The following EXOSC10 variants were observed in gnomAD, a reference collection of about 807,000 sequenced individuals.
EXOSC10 encodes exosome component 10.
In EXOSC10, 94 loss-of-function variants were observed where a neutral mutation model predicts 126.6. The ratio of observed to expected loss-of-function variants is 0.74; its 90% CI spans 0.63 to 0.88. The LOEUF is 0.88. Ranked by LOEUF, EXOSC10 falls within the 40% of genes least tolerant of loss-of-function variation. The probability of loss-of-function intolerance (pLI) is 0.00; values close to 1 mark genes in which losing one functional copy is unlikely to be tolerated. For synonymous variants in EXOSC10, 395 were observed against 400.8 expected (o/e 0.99, Z 0.17); for missense variants, 1,041 against 1,100.5 (o/e 0.95, Z 0.77).
intron 23 of EXOSC10, 64 bp downstream of exon 23, chr1:11,068,581 G>T: frequency 5.6e-6 from 7 of 1,249,820 alleles, no homozygotes; most frequent in Non-Finnish European, 8.3e-6. Flanking sequence ...TGTCTTCTCA[G>T]CAGAGGAGGA....
rs758403333 is a variant in EXOSC10 at position 11,081,139 on chromosome 1, G to A, written c.1380C>T (p.Asn460=). ...KMRLEMWERG[N]GQPVQLQVVW... ...CCACCTGCAGCTGCACCGGCTGCCC[G>A]TTGCCGCGCTCCCACATCTCCAGCC... Residue 460 remains asparagine (N), a synonymous_variant, in exon 11 of 25, where the codon AAC becomes AAT. Transcript: ENST00000376936. 43 of 1,614,048 alleles carry A rather than the reference G, an allele frequency of 2.7e-5. 1 individual carries two copies. The highest frequency in any genetic ancestry group is 3.3e-5 in the Non-Finnish European group (39 of 1,180,044).
chr1:11,073,964 C>T lies in EXOSC10; in HGVS notation c.2127G>A (p.Ala709=), dbSNP rs190900126. Residue 709 remains alanine, a synonymous_variant, in exon 19 of 25, where the codon GCG becomes GCA. Coordinates refer to ENST00000376936, the MANE Select transcript of EXOSC10 (RefSeq NM_001001998.3). The part of the protein sequence containing the change: ...LGHRAPVSQA[A]KFDPSTKIYE... ...AGATTTTGGTTGATGGATCGAACTT[C>T]GCTGCCTGAGAGACGGGAGCACGGT... The T allele has an allele frequency of 1.5e-5, 24 of 1,612,726 alleles. No individual in the cohort carries two copies. The highest frequency in any genetic ancestry group is 8.0e-5 in the African/African-American group (6 of 74,718).
At chr1:11,083,562 C>CAAAAAAAAAAAAAAAAAAAAAAAAAT (rs35412224) in intron 9 of EXOSC10, among the ~76,000 whole-genome samples, 1 of 65,898 alleles carries the variant, frequency 1.5e-5, no homozygotes, top group African/African-American at 6.8e-5. Context: ...AACTCCGTCT[C>CAAAAAAAAAAAAAAAAAAAAAAAAAT]AAAAAAAAAA....
At position 11,076,904 on chromosome 1, in the gene EXOSC10, T is replaced by C. The variant is rs1204778054; in HGVS notation, c.1924A>G (p.Lys642Glu). ...GTGGTACCCAGCAAGTTATCTTCTTTTTCATCAGGGAAGAGGCTCGCCTGC... is the reference window on the plus strand; with the variant it reads ...GTGGTACCCAGCAAGTTATCTTCTTCTTCATCAGGGAAGAGGCTCGCCTGC... Reference protein sequence around the residue: ...QKQASLFPDEKEDNLLGTTCL... With the variant: ...QKQASLFPDEEEDNLLGTTCL... Residue 642 changes from lysine (K) to glutamate (E), a missense_variant, in exon 17 of 25, where the codon AAA becomes GAA. This residue lies in a region of EXOSC10 where 388 missense variants were observed against 415.2 expected (regional missense o/e 0.93). Transcript: ENST00000376936. 6.2e-7 allele frequency: 1 copy of C among 1,614,048 alleles called. No individual in the cohort carries two copies. Among genetic ancestry groups the C allele is most frequent in the Non-Finnish European group, 8.5e-7 (1 of 1,180,034 alleles).
At chr1:11,091,310 A>G (rs1640792360) in intron 4 of EXOSC10, 131 bp from the exon 5 acceptor site, 2 of 997,320 alleles carry the variant, frequency 2.0e-6, no homozygotes, top group Non-Finnish European at 3.0e-6. Flanking sequence ...ATGTATGTGC[A>G]TGTAGAGGTC....
rs1441725199 is a variant in EXOSC10 at position 11,085,790 on chromosome 1, G to A, written c.1089+1658C>T. On this transcript the variant is annotated intron_variant, in intron 9 of 24. Coordinates refer to ENST00000376936, the MANE Select transcript of EXOSC10 (RefSeq NM_001001998.3). ...GATAGCTCTTATTATTTTGAGATAC[G>A]TCCCATCAATACCTAATTTATTGAG... Among the ~76,000 whole-genome samples the A allele has an allele frequency of 3.3e-5, 5 of 150,612 alleles. No individual in the cohort carries two copies. The South Asian group carries it at 6.2e-4, about 19-fold the overall frequency.
chr1:11,075,246 T>G (rs1010950355), intron 17 of EXOSC10, among the ~76,000 whole-genome samples: 1 of 152,150 alleles, frequency 6.6e-6, no homozygotes, highest in Non-Finnish European at 1.5e-5. Context: ...CTCAAACTCC[T>G]GACCTCAGGT....
At chr1:11,099,062 G>A (rs2100251114) in intron 1 of EXOSC10, among the ~76,000 whole-genome samples, 1 of 152,252 alleles carries the variant, frequency 6.6e-6, no homozygotes, top group East Asian at 1.9e-4. Flanking sequence ...AAGATACAAC[G>A]TTAGTGGAAT....
At chr1:11,089,855 G>A (rs1470007586) in intron 6 of EXOSC10, among the ~76,000 whole-genome samples, 4 of 152,028 alleles carry the variant, frequency 2.6e-5, no homozygotes. Context: ...GAGGCAGGAG[G>A]ATCACTTGAG....
At chr1:11,079,411 T>G (rs1033718565) in intron 14 of EXOSC10, among the ~76,000 whole-genome samples, 2 of 148,688 alleles carry the variant, frequency 1.3e-5, no homozygotes, top group African/African-American at 4.9e-5. Flanking sequence ...TTTTTTTTTT[T>G]GAGACGGAGT....
At chr1:11,073,737 C>T (rs1042248219) in intron 19 of EXOSC10, among the ~76,000 whole-genome samples, 197 bp downstream of exon 19, 2 of 151,638 alleles carry the variant, frequency 1.3e-5, no homozygotes, top group African/African-American at 2.4e-5. Context: ...AAAAATTAGC[C>T]GGGCATGACA....
At chr1:11,089,600 A>G (rs1640687265) in intron 6 of EXOSC10, among the ~76,000 whole-genome samples, 1 of 150,844 alleles carries the variant, frequency 6.6e-6, no homozygotes, top group Non-Finnish European at 1.5e-5. Flanking sequence ...CAGCCTGAGC[A>G]ACAAGAGCGA....
intron 5 of EXOSC10, 95 bp downstream of exon 5, chr1:11,090,919 T>A: frequency 7.5e-7 from 1 of 1,341,644 alleles, no homozygotes; most frequent in Non-Finnish European, 1.0e-6. Flanking sequence ...GAGGGTGGGC[T>A]CCCTTTGAAC....
intron 3 of EXOSC10, among the ~76,000 whole-genome samples, chr1:11,092,117 C>T (rs1181903707): frequency 6.6e-6 from 1 of 152,116 alleles, no homozygotes; most frequent in Non-Finnish European, 1.5e-5. Context: ...TAGATGGTCC[C>T]CAATGTATGA....
At chr1:11,075,530 G>A (rs1639761264) in intron 17 of EXOSC10, among the ~76,000 whole-genome samples, 1 of 152,192 alleles carries the variant, frequency 6.6e-6, no homozygotes, top group South Asian at 2.1e-4. Context: ...AACACGCTTA[G>A]CTGCTAAATC....
At position 11,080,831 on chromosome 1, in the gene EXOSC10, A is replaced by G; in HGVS notation, c.1519T>C (p.Leu507=). 1 of 1,614,088 alleles carries G rather than the reference A, an allele frequency of 6.2e-7. No homozygotes were observed. The highest frequency in any genetic ancestry group is 8.5e-7 in the Non-Finnish European group (1 of 1,179,968). ...KQKKHLNTQQ[L]TAFQLLFAWR... Reference sequence around the variant, plus strand: ...GCAAACAGCAGCTGAAAGGCTGTCAACTGCTGTGTGTTAAGGTGCTTCTTC... The same window carrying G: ...GCAAACAGCAGCTGAAAGGCTGTCAGCTGCTGTGTGTTAAGGTGCTTCTTC... Residue 507 remains leucine, a synonymous_variant, in exon 12 of 25, where the codon TTG becomes CTG. Transcript: ENST00000376936.
rs1043513982 is a variant in EXOSC10 at position 11,099,768 on chromosome 1, C to G, written c.64G>C (p.Gly22Arg). Residue 22 changes from glycine to arginine, a missense_variant, in exon 1 of 25, where the codon GGA becomes CGA. Physicochemically the swap from Gly to Arg is moderately radical, Grantham distance 125 (BLOSUM62 -2). Around this residue, in one of 3 missense-constraint regions of EXOSC10, gnomAD observed 645 missense variants for 656.3 expected, o/e 0.98. Coordinates refer to ENST00000376936, the MANE Select transcript of EXOSC10 (RefSeq NM_001001998.3). ...GGGAAGCCTGGCAGCACCATCTCTC[C>G]GTCGGATTTGGTTGCGCTGGTCGCC... ...LSATSATKSD[G>R]EMVLPGFPDA... The G allele has an allele frequency of 1.9e-6, 3 of 1,612,156 alleles. No individual in the cohort carries two copies. Among genetic ancestry groups the G allele is most frequent in the East Asian group, 2.2e-5 (1 of 44,490 alleles).
intron 22 of EXOSC10, 33 bp downstream of exon 22, chr1:11,069,526 A>G: frequency 1.9e-6 from 3 of 1,604,262 alleles, no homozygotes; most frequent in Non-Finnish European, 2.5e-6. Flanking sequence ...ACGCGCACAG[A>G]TGTCCCTGTA....
chr1:11,099,545 T>C lies in EXOSC10; in HGVS notation c.111+176A>G, dbSNP rs1489805194. 2.0e-5 allele frequency: 12 copies of C among 600,308 alleles called. No homozygotes were observed. In the Admixed American group the frequency reaches 4.6e-4, roughly 23 times the overall value. The allele number at this position is 600,308 out of a possible 1,614,324, so 37.2% of individuals were successfully genotyped here. ...CAAGCGGGACGCCCCTCAGTGTCCG[T>C]TTCCGAGGCCCCATCCCCGGAGGGT... On this transcript the variant is annotated intron_variant, in intron 1 of 24. Transcript: ENST00000376936.
Sources: gnomAD v4.1 joint callset for allele counts (sites outside exome capture counted in the v4.1 genomes callset) on GRCh38, gnomAD v4.1.1 for gene constraint, gnomAD v4.1.1 regional missense constraint, MANE v1.5 for transcripts, NCBI Gene and HGNC (gene_info 2026-07-23, HGNC 2026-07-21) for gene names.